CHN1: variants seen among roughly 807,000 people sequenced by gnomAD.
CHN1 encodes N-chimaerin.
Under a neutral mutation model 59.5 loss-of-function variants are expected in CHN1, and 37 were observed. The ratio of observed to expected loss-of-function variants is 0.62; its 90% CI spans 0.48 to 0.82. CHN1 has a LOEUF of 0.82. Among genes scored for constraint, CHN1 ranks in the 40% least tolerant of loss-of-function variants. The pLI, the probability that CHN1 is intolerant of heterozygous loss-of-function variation, is 0.00. For missense variants in CHN1, 469 were observed against 571.0 expected (o/e 0.82, Z 1.82); for synonymous variants, 206 against 200.4 (o/e 1.03, Z -0.24).
chr2:174,803,238 G>A (rs186462812), intron 11 of CHN1, among the ~76,000 whole-genome samples: 12 of 152,214 alleles, frequency 7.9e-5, no homozygotes, highest in Non-Finnish European at 1.3e-4. Context: ...AAAAATTGGC[G>A]TGAGATGAAT....
intron 5 of CHN1, among the ~76,000 whole-genome samples, chr2:174,888,395 CA>C (rs1214023059): frequency 6.6e-6 from 1 of 152,122 alleles, no homozygotes; most frequent in Middle Eastern, 3.2e-3. Context: ...GGAAGGATGA[CA>C]AGAACCATAA....
At chr2:174,862,372 C>T (rs998701388) in intron 6 of CHN1, among the ~76,000 whole-genome samples, 2 of 149,332 alleles carry the variant, frequency 1.3e-5, no homozygotes, top group African/African-American at 4.9e-5. Flanking sequence ...CTTGCTCTGT[C>T]GCCAGGCTGG....
chr2:174,812,659 T>C (rs1371357394), intron 8 of CHN1, among the ~76,000 whole-genome samples, 177 bp from the exon 9 acceptor site: 2 of 152,194 alleles, frequency 1.3e-5, no homozygotes, highest in Admixed American at 6.5e-5. Flanking sequence ...CTTGGAACAA[T>C]TTGATTATAA....
chr2:174,909,526 C>A (rs1003131463), intron 5 of CHN1, among the ~76,000 whole-genome samples: 2 of 152,186 alleles, frequency 1.3e-5, no homozygotes, highest in Admixed American at 1.3e-4. Flanking sequence ...AGAGAGGTTC[C>A]CTTACACTCT....
chr2:174,997,738 A>G (rs940904985), intron 1 of CHN1, among the ~76,000 whole-genome samples: 19 of 152,246 alleles, frequency 1.2e-4, no homozygotes, highest in Non-Finnish European at 1.9e-4. Flanking sequence ...GTTCTATATA[A>G]AAGATACAAA....
chr2:174,862,692 TTTCA>T (rs1353903384), intron 6 of CHN1, among the ~76,000 whole-genome samples: 2 of 152,190 alleles, frequency 1.3e-5, no homozygotes, highest in Non-Finnish European at 2.9e-5. Context: ...TTTTGTTTGT[TTTCA>T]TTGTCTCTTC....
At chr2:174,939,040 T>C (rs931380328) in intron 3 of CHN1, among the ~76,000 whole-genome samples, 3 of 152,166 alleles carry the variant, frequency 2.0e-5, no homozygotes, top group Non-Finnish European at 4.4e-5. Context: ...ACAATTTGCT[T>C]TTCTGGTTTT....
chr2:174,989,412 A>G (rs1691465612), intron 1 of CHN1, among the ~76,000 whole-genome samples: 2 of 152,040 alleles, frequency 1.3e-5, no homozygotes, highest in South Asian at 4.2e-4. Context: ...GTCAACTTTT[A>G]AAAACTGTGC....
intron 8 of CHN1, among the ~76,000 whole-genome samples, chr2:174,814,874 A>G (rs1356412149): frequency 1.3e-5 from 2 of 152,136 alleles, no homozygotes; most frequent in Non-Finnish European, 2.9e-5. Flanking sequence ...TTCTTAATGT[A>G]TTTCATTTAA....
intron 6 of CHN1, 97 bp downstream of exon 6, chr2:174,877,743 A>C: frequency 9.2e-7 from 1 of 1,090,578 alleles, no homozygotes; most frequent in Non-Finnish European, 1.3e-6. Context: ...TATACTTTCC[A>C]AAGCACTGTG....
At chr2:174,885,945 G>T (rs1049815454) in intron 5 of CHN1, among the ~76,000 whole-genome samples, 7 of 152,056 alleles carry the variant, frequency 4.6e-5, no homozygotes, top group African/African-American at 1.4e-4. Context: ...ACTAGAGTAG[G>T]CCTAGAAATA....
chr2:174,928,536 A>G (rs1417006638), intron 3 of CHN1, among the ~76,000 whole-genome samples: 2 of 152,254 alleles, frequency 1.3e-5, no homozygotes, highest in African/African-American at 4.8e-5. Context: ...GAACAGACAC[A>G]TTTATAGATT....
rs193294573 is a variant in CHN1, at chr2:174,810,291, C to T, written c.964+1220G>A. Among the ~76,000 whole-genome samples, 52 of 152,304 alleles carry T rather than the reference C, an allele frequency of 3.4e-4. No homozygotes were observed. In the East Asian group the frequency reaches 8.1e-3, roughly 24 times the overall value. ...TTACTATAGATCTTGCAGATGAGTGCTGGTACACATCCTTGGGAGGCCAAA... is the reference window on the plus strand; with the variant it reads ...TTACTATAGATCTTGCAGATGAGTGTTGGTACACATCCTTGGGAGGCCAAA... On this transcript the variant is annotated intron_variant, in intron 10 of 12. Coordinates refer to ENST00000409900, the MANE Select transcript of CHN1 (RefSeq NM_001822.7).
intron 1 of CHN1, among the ~76,000 whole-genome samples, chr2:175,000,988 G>C (rs114698328): frequency 0.014 from 2,112 of 152,310 alleles, 58 homozygotes; most frequent in African/African-American, 0.048. Flanking sequence ...CACAATCATA[G>C]TGCAACTACA....
At chr2:174,938,324 C>T (rs1229058488) in intron 3 of CHN1, among the ~76,000 whole-genome samples, 4 of 152,176 alleles carry the variant, frequency 2.6e-5, no homozygotes, top group Admixed American at 2.6e-4. Context: ...AACTCTATCC[C>T]ACTATTTAAT....
intron 5 of CHN1, among the ~76,000 whole-genome samples, chr2:174,913,108 A>G (rs1282064904): frequency 6.6e-6 from 1 of 152,220 alleles, no homozygotes; most frequent in Non-Finnish European, 1.5e-5. Context: ...ATTTGCTGGT[A>G]TCAGCTGGTG....
intron 5 of CHN1, among the ~76,000 whole-genome samples, chr2:174,885,873 C>A (rs1279730014): frequency 6.6e-6 from 1 of 152,208 alleles, no homozygotes; most frequent in African/African-American, 2.4e-5. Context: ...TGTCCCACTA[C>A]TACATAAATT....
intron 8 of CHN1, among the ~76,000 whole-genome samples, chr2:174,816,426 G>C (rs1685267935): frequency 6.6e-6 from 1 of 152,220 alleles, no homozygotes; most frequent in African/African-American, 2.4e-5. Context: ...TAGCAGAAGG[G>C]TCTCTGTTTA....
At chr2:174,847,664 A>G (rs1213051) in intron 6 of CHN1, 1 of 1,319,898 alleles carries the variant, frequency 7.6e-7, no homozygotes, top group Non-Finnish European at 1.0e-6. Context: ...GTAAGAAAGG[A>G]GATAACCAAT....
Sources: gnomAD v4.1 joint callset for allele counts (sites outside exome capture counted in the v4.1 genomes callset) on GRCh38, gnomAD v4.1.1 for gene constraint, MANE v1.5 for transcripts, NCBI Gene and HGNC (gene_info 2026-07-23, HGNC 2026-07-21) for gene names.